Variants in RBPJ observed in about 807,000 individuals in gnomAD.
RBPJ encodes recombining binding protein suppressor of hairless.
Under a neutral mutation model 67.8 loss-of-function variants are expected in RBPJ, and 9 were observed. That is an observed-to-expected ratio of 0.13 (90% CI 0.08 to 0.23). RBPJ has a LOEUF of 0.23. RBPJ is among the 10% of genes least tolerant of loss of function. The pLI, the probability that RBPJ is intolerant of heterozygous loss-of-function variation, is 1.00. For missense variants in RBPJ, 305 were observed against 595.6 expected (o/e 0.51, Z 5.08); for synonymous variants, 198 against 203.3 (o/e 0.97, Z 0.22).
intron 1 of RBPJ, among the ~76,000 whole-genome samples, chr4:26,297,351 T>TGA (rs1201775642): frequency 7.4e-6 from 1 of 135,884 alleles, no homozygotes; most frequent in East Asian, 2.1e-4. Context: ...TGTGTGTGTG[T>TGA]GTGTACGAGA....
At chr4:26,200,623 AC>A (rs1246495347) in intron 1 of RBPJ, among the ~76,000 whole-genome samples, 1 of 151,992 alleles carries the variant, frequency 6.6e-6, no homozygotes, top group Non-Finnish European at 1.5e-5. Flanking sequence ...GTCAGCCGTG[AC>A]TGCATCACTG....
chr4:26,114,404 C>G, the RBPJ span, among the ~76,000 whole-genome samples: 2 of 150,014 alleles, frequency 1.3e-5, no homozygotes, highest in African/African-American at 2.5e-5. Context: ...TTGCAGTGAG[C>G]CAAGATCGCA....
chr4:26,323,626 C>A (rs1456399814), intron 1 of RBPJ, among the ~76,000 whole-genome samples: 1 of 152,152 alleles, frequency 6.6e-6, no homozygotes, highest in African/African-American at 2.4e-5. Flanking sequence ...ATTTTCAAAT[C>A]TGTACTAATA....
At chr4:26,189,351 T>C (rs764127323) in intron 1 of RBPJ, among the ~76,000 whole-genome samples, 1 of 152,160 alleles carries the variant, frequency 6.6e-6, no homozygotes, top group Non-Finnish European at 1.5e-5. Context: ...ATGTATCAAA[T>C]AAGAAGTAGA....
At chr4:26,220,533 G>C (rs74922649) in intron 1 of RBPJ, among the ~76,000 whole-genome samples, 1,771 of 152,224 alleles carry the variant, frequency 0.012, 15 homozygotes, top group Non-Finnish European at 0.017. Context: ...TTATATGTTT[G>C]GTGGGTTTCG....
intron 1 of RBPJ, among the ~76,000 whole-genome samples, chr4:26,260,566 A>G (rs893391853): frequency 1.3e-5 from 2 of 152,192 alleles, no homozygotes; most frequent in African/African-American, 2.4e-5. Context: ...GCTCTGATAA[A>G]TCTAACCTTT....
intron 1 of RBPJ, among the ~76,000 whole-genome samples, chr4:26,230,522 G>A (rs1190305916): frequency 6.6e-6 from 1 of 152,226 alleles, no homozygotes; most frequent in East Asian, 1.9e-4. Context: ...GAGGAGGTCA[G>A]TAACATGTTT....
chr4:26,220,069 C>CA (rs1718853272), intron 1 of RBPJ, among the ~76,000 whole-genome samples: 2 of 152,246 alleles, frequency 1.3e-5, no homozygotes, highest in South Asian at 4.1e-4. Flanking sequence ...AGGCGTGAGC[C>CA]ACCCTGCCCA....
At chr4:26,127,773 G>A in the RBPJ span, among the ~76,000 whole-genome samples, 1 of 152,262 alleles carries the variant, frequency 6.6e-6, no homozygotes, top group Non-Finnish European at 1.5e-5. Flanking sequence ...CCAAGTAGAG[G>A]GAAACATATG....
At chr4:26,244,318 T>C (rs1719811796) in intron 1 of RBPJ, among the ~76,000 whole-genome samples, 2 of 151,058 alleles carry the variant, frequency 1.3e-5, no homozygotes, top group Non-Finnish European at 3.0e-5. Flanking sequence ...TATGTGTGTA[T>C]ATGTATACAC....
intron 1 of RBPJ, among the ~76,000 whole-genome samples, chr4:26,209,596 T>C (rs1269792888): frequency 4.8e-5 from 6 of 124,120 alleles, no homozygotes; most frequent in Admixed American, 8.3e-5. Flanking sequence ...CCTCCCTTCC[T>C]CCTTCCCTCT....
chr4:26,272,750 T>G, intron 1 of RBPJ: 1 of 452,084 alleles, frequency 2.2e-6, no homozygotes, highest in Non-Finnish European at 4.5e-6. Flanking sequence ...CAACCATATT[T>G]GAAACCATGA....
chr4:26,237,323 CA>C lies in RBPJ; in HGVS notation c.-167+73717del, dbSNP rs998957258. ...ATTTGTGTCCTGGGAAACACTACTG[CA>C]AAAAAAATATTAATAGATGGGTCTC... On this transcript the variant is annotated intron_variant, in intron 1 of 4. Coordinates refer to the RBPJ transcript ENST00000512351. 8.0e-5 allele frequency among the ~76,000 whole-genome samples: 12 copies of C among 149,464 alleles called. No individual in the cohort carries two copies. In the East Asian group the frequency reaches 2.1e-3, roughly 27 times the overall value.
At chr4:26,350,976 G>A (rs1726733610) in intron 1 of RBPJ, among the ~76,000 whole-genome samples, 1 of 152,098 alleles carries the variant, frequency 6.6e-6, no homozygotes, top group Non-Finnish European at 1.5e-5. Flanking sequence ...GCCATAGGTT[G>A]CAAAATTTTT....
At position 26,264,877 on chromosome 4, in the gene RBPJ, C is replaced by A. The variant is rs1226577573; in HGVS notation, c.-166-97569C>A. On this transcript the variant is annotated intron_variant, in intron 1 of 4. Coordinates refer to the RBPJ transcript ENST00000512351. The surrounding 1 kb of genome is among the most constrained non-coding windows in gnomAD (Gnocchi z 4.1). ...CTTCTCCTTTTGAAGGTTCAAGTCT[C>A]CTAAACAAACTGACAATAGACAGAT... Among the ~76,000 whole-genome samples, 1 of 152,140 alleles carries A rather than the reference C, an allele frequency of 6.6e-6. No homozygotes were observed. The highest frequency in any genetic ancestry group is 2.4e-5 in the African/African-American group (1 of 41,410).
chr4:26,210,662 T>TTTTG (rs1718353942), intron 1 of RBPJ, among the ~76,000 whole-genome samples: 1 of 30,010 alleles, frequency 3.3e-5, no homozygotes, highest in Non-Finnish European at 8.0e-5. Flanking sequence ...TTTCTTTCTT[T>TTTTG]TTTCTTTCTT....
chr4:26,161,779 A>G (rs1384212066), upstream of RBPJ, among the ~76,000 whole-genome samples: 1 of 152,220 alleles, frequency 6.6e-6, no homozygotes, highest in African/African-American at 2.4e-5. Flanking sequence ...TAGTGGCTGC[A>G]TTATAAGAGC....
intron 1 of RBPJ, among the ~76,000 whole-genome samples, chr4:26,179,722 T>C (rs1335262236): frequency 6.6e-6 from 1 of 151,928 alleles, no homozygotes; most frequent in Non-Finnish European, 1.5e-5. Flanking sequence ...TCAGTGGGAG[T>C]GTAAATTAGT....
intron 1 of RBPJ, among the ~76,000 whole-genome samples, chr4:26,371,350 T>C (rs1729142495): frequency 6.6e-6 from 1 of 152,180 alleles, no homozygotes; most frequent in Non-Finnish European, 1.5e-5. Flanking sequence ...AGATTTGTAT[T>C]TGAGAACTCA....
Sources: allele counts gnomAD v4.1 joint callset (sites outside exome capture counted in the v4.1 genomes callset), GRCh38; gene constraint gnomAD v4.1.1; non-coding constraint Gnocchi (gnomAD v3.1); transcripts MANE v1.5; gene names NCBI Gene and HGNC (gene_info 2026-07-23, HGNC 2026-07-21).